CYRIB: variants seen among roughly 807,000 people sequenced by gnomAD.
The protein encoded by CYRIB is CYFIP related Rac1 interactor B.
A neutral mutation model predicts 44.2 loss-of-function variants in CYRIB; 8 were observed. That is an observed-to-expected ratio of 0.18 (90% CI 0.11 to 0.33). The LOEUF is 0.33. CYRIB is among the 10% of genes least tolerant of loss of function. The pLI is 1.00. For synonymous variants in CYRIB, 131 were observed against 127.2 expected, an observed-to-expected ratio of 1.03 and a Z score of -0.20; for missense variants, 185 against 382.8, an observed-to-expected ratio of 0.48 and a Z score of 4.31.
chr8:129,885,290 C>T (rs980849824), intron 2 of CYRIB, among the ~76,000 whole-genome samples: 2 of 152,176 alleles, frequency 1.3e-5, no homozygotes, highest in African/African-American at 2.4e-5. Context: ...GGAGTTGCAC[C>T]GGTTGCAACT....
At chr8:129,941,933 A>C (rs1481678838), upstream of CYRIB, among the ~76,000 whole-genome samples, 1 of 152,216 alleles carries the variant, frequency 6.6e-6, no homozygotes, top group Non-Finnish European at 1.5e-5. Flanking sequence ...AATCTGATGC[A>C]CAACAATTTT....
At chr8:129,897,750 C>T (rs1346752323) in intron 2 of CYRIB, among the ~76,000 whole-genome samples, 1 of 151,384 alleles carries the variant, frequency 6.6e-6, no homozygotes, top group African/African-American at 2.4e-5. Context: ...GCCTGGGCAA[C>T]ATAGCGAAAC....
At chr8:129,881,343 T>C (rs931556964) in intron 2 of CYRIB, among the ~76,000 whole-genome samples, 1 of 152,206 alleles carries the variant, frequency 6.6e-6, no homozygotes, top group Non-Finnish European at 1.5e-5. Context: ...CCAATTGCTA[T>C]GTGTTTTTCT....
At chr8:129,869,395 A>G (rs2055899122) in intron 4 of CYRIB, among the ~76,000 whole-genome samples, 3 of 151,714 alleles carry the variant, frequency 2.0e-5, no homozygotes, top group African/African-American at 7.3e-5. Context: ...AAAAAAAAAA[A>G]AAAAAAAAAT....
chr8:129,881,818 T>C (rs2134012974), intron 2 of CYRIB, among the ~76,000 whole-genome samples: 1 of 152,344 alleles, frequency 6.6e-6, no homozygotes, highest in Admixed American at 6.5e-5. Context: ...AAGAGGGAAA[T>C]ATTTAATATT....
In CYRIB at chr8:129,846,879, A is replaced by G; in HGVS notation, c.841-5T>C. 1 of 1,569,676 alleles carries G rather than the reference A, an allele frequency of 6.4e-7. No individual in the cohort carries two copies. Among genetic ancestry groups the G allele is most frequent in the Non-Finnish European group, 8.6e-7 (1 of 1,165,550 alleles). ...AACTTTGATACAACCTTTCATCTAA[A>G]GAAAAAGAAAACAGAAAAGGTAAAA... On this transcript the variant is annotated splice_region_variant and splice_polypyrimidine_tract_variant and intron_variant, in intron 10 of 11. Coordinates refer to ENST00000519824, the Ensembl canonical transcript of CYRIB.
intron 1 of CYRIB, among the ~76,000 whole-genome samples, chr8:129,938,328 C>T (rs953246456): frequency 6.6e-6 from 1 of 152,042 alleles, no homozygotes; most frequent in Non-Finnish European, 1.5e-5. Context: ...AAATAATTTG[C>T]GATAGTAAGT....
chr8:129,905,199 C>A (rs1016150399), intron 1 of CYRIB, among the ~76,000 whole-genome samples: 2 of 127,408 alleles, frequency 1.6e-5, no homozygotes, highest in Non-Finnish European at 3.5e-5. Flanking sequence ...GTCACCCAGG[C>A]TGGATTGATT....
upstream of CYRIB, among the ~76,000 whole-genome samples, chr8:129,940,833 T>G (rs533847811): frequency 6.6e-6 from 1 of 152,166 alleles, no homozygotes; most frequent in South Asian, 2.1e-4. Flanking sequence ...GTATGGACTT[T>G]TCCCCCCGGG....
At position 129,911,673 on chromosome 8, in the gene CYRIB, C is replaced by CA. The variant is rs1361038948; in HGVS notation, c.-49-8324dup. The stretch of plus-strand genomic sequence containing the variant: ...AAATTAGCCCGACTGTGGTGGTGTG[C>CA]AAAAAAAAAACAAAAATAAAAACAA... On this transcript the variant is annotated intron_variant, in intron 1 of 11. Transcript: ENST00000519824. Among the ~76,000 whole-genome samples the CA allele has an allele frequency of 1.5e-3, 209 of 137,962 alleles. 1 individual carries two copies. The highest frequency in any genetic ancestry group is 1.9e-3 in the African/African-American group (71 of 37,392). The allele number at this position is 137,962 out of a possible 152,430, so 90.5% of individuals were successfully genotyped here. A position where few individuals can be genotyped will look rare whatever the true frequency, so the allele number is the denominator to read the frequency against.
At position 129,969,353 on chromosome 8, in the gene CYRIB, G is replaced by A. The variant is rs188879793; in HGVS notation, c.-243+1590C>T. 1.2e-4 allele frequency among the ~76,000 whole-genome samples: 18 copies of A among 152,180 alleles called. No homozygotes were observed. The East Asian group carries it at 3.3e-3, about 28-fold the overall frequency. ...ACATTTGCAGGTTTCCCTTTCTTCA[G>A]CGCTCCCCTAGATAAAATTCTTATA... On this transcript the variant is annotated intron_variant, in intron 2 of 14. Coordinates refer to the CYRIB transcript ENST00000401979.
At chr8:129,975,642 C>T (rs837231) in intron 1 of CYRIB, among the ~76,000 whole-genome samples, 51,620 of 152,110 alleles carry the variant, frequency 0.34, 10,066 homozygotes, top group East Asian at 0.45. Context: ...ATTTTCTAGC[C>T]TGCTTCATTC....
chr8:129,883,783 TCA>T (rs1228238283), intron 2 of CYRIB, among the ~76,000 whole-genome samples: 3 of 152,212 alleles, frequency 2.0e-5, no homozygotes, highest in Non-Finnish European at 4.4e-5. Flanking sequence ...TCTCCATTCC[TCA>T]GTTTTCTCAT....
intron 1 of CYRIB, among the ~76,000 whole-genome samples, chr8:129,930,723 A>G (rs2090937365): frequency 6.6e-6 from 1 of 152,174 alleles, no homozygotes; most frequent in South Asian, 2.1e-4. Flanking sequence ...ACAGAGCTTT[A>G]GTTTAACTAT....
chr8:129,956,607 A>G (rs1411407377), intron 2 of CYRIB, among the ~76,000 whole-genome samples: 1 of 152,078 alleles, frequency 6.6e-6, no homozygotes, highest in African/African-American at 2.4e-5. Flanking sequence ...AGTAGTGGTT[A>G]TATCACTTAG....
At chr8:129,982,378 G>C (rs2096270664) in intron 1 of CYRIB, among the ~76,000 whole-genome samples, 1 of 152,220 alleles carries the variant, frequency 6.6e-6, no homozygotes, top group Non-Finnish European at 1.5e-5. Context: ...TGTGACTGAG[G>C]AACTGAATTT....
chr8:130,010,548 C>T (rs1027098363), intron 1 of CYRIB, among the ~76,000 whole-genome samples: 1 of 152,204 alleles, frequency 6.6e-6, no homozygotes, highest in African/African-American at 2.4e-5. Flanking sequence ...TCCCTGAAGG[C>T]AGCCCCATCT....
chr8:129,896,542 A>C (rs142119206), intron 2 of CYRIB: 1 of 152,324 alleles, frequency 6.6e-6, no homozygotes, highest in African/African-American at 2.4e-5. Context: ...TGAGAGTTCA[A>C]ATCCTTAAAA....
rs112796673 is a variant in CYRIB, at chr8:129,979,891, A to C, written c.-295-8896T>G. ...AGCCGAGATCACGCCATTGCACTCC[A>C]ACCTGGATGACAAGAGCAAGACTCC... On this transcript the variant is annotated intron_variant, in intron 1 of 14. Transcript: ENST00000401979. Among the ~76,000 whole-genome samples the C allele has an allele frequency of 3.2e-3, 490 of 152,324 alleles. 5 individuals are homozygous for C. Among genetic ancestry groups the C allele is most frequent in the African/African-American group, 0.011 (453 of 41,570 alleles).
Sources: allele counts gnomAD v4.1 joint callset (sites outside exome capture counted in the v4.1 genomes callset), GRCh38; gene constraint gnomAD v4.1.1; transcripts MANE v1.5; gene names NCBI Gene and HGNC (gene_info 2026-07-23, HGNC 2026-07-21).